The following OSBPL3 variants were observed in gnomAD, a reference collection of about 807,000 sequenced individuals.
OSBPL3 encodes the protein oxysterol-binding protein-related protein 3.
OSBPL3 carries 65 observed loss-of-function variants against 120.1 expected under a neutral mutation model. The ratio of observed to expected loss-of-function variants is 0.54; its 90% CI spans 0.44 to 0.67. The LOEUF (loss-of-function observed/expected upper bound fraction) is 0.67. Ranked by LOEUF, OSBPL3 falls within the 30% of genes least tolerant of loss-of-function variation. OSBPL3 has a pLI of 0.00. For missense variants in OSBPL3, 1,004 were observed against 1,082.1 expected (o/e 0.93, Z 1.01); for synonymous variants, 416 against 402.6 (o/e 1.03, Z -0.40).
At position 24,877,040 on chromosome 7, in the gene OSBPL3, AAGAG is replaced by A. The variant is rs1383315940; in HGVS notation, c.97-4975_97-4972del. Among the ~76,000 whole-genome samples, 4 of 152,164 alleles carry A rather than the reference AAGAG, an allele frequency of 2.6e-5. No individual in the cohort carries two copies. Among genetic ancestry groups the A allele is most frequent in the Middle Eastern group, 3.2e-3 (1 of 316 alleles). ...ATTTTTTTGCATGTGGAAACTGAGG[AAGAG>A]AGAATTAGATAACTTCCCTGATGTT... On this transcript the variant is annotated intron_variant, in intron 2 of 22. Coordinates refer to ENST00000313367, the MANE Select transcript of OSBPL3 (RefSeq NM_015550.4). The surrounding 1 kb of genome is among the most constrained non-coding windows in gnomAD (Gnocchi z 4.8).
In OSBPL3 at chr7:24,824,609, G is replaced by A. The variant is rs1795483061; in HGVS notation, c.1885-4371C>T. 6.6e-6 allele frequency among the ~76,000 whole-genome samples: 1 copy of A among 152,182 alleles called. No individual in the cohort carries two copies. The highest frequency in any genetic ancestry group is 2.4e-5 in the African/African-American group (1 of 41,424). On this transcript the variant is annotated intron_variant, in intron 16 of 22. Coordinates refer to ENST00000313367, the MANE Select transcript of OSBPL3 (RefSeq NM_015550.4). The surrounding 1 kb of genome is among the most constrained non-coding windows in gnomAD (Gnocchi z 4.9). The stretch of plus-strand genomic sequence containing the variant: ...CCATTCTTTCCAGGTCACTCATCAA[G>A]TACTTATTGATTGCCTGTGATGTGT...
At position 24,842,386 on chromosome 7, in the gene OSBPL3, G is replaced by C. The variant is rs760774741; in HGVS notation, c.1294C>G (p.Leu432Val). Residue 432 changes from leucine to valine, a missense_variant, in exon 13 of 23, where the codon CTA becomes GTA. This residue lies in a region of OSBPL3 where 473 missense variants were observed against 568.0 expected (regional missense o/e 0.83). Coordinates refer to ENST00000313367, the MANE Select transcript of OSBPL3 (RefSeq NM_015550.4). ...EENSRDENRA[L>V]VHQLSNESRL... ...CTTTCATTAGAAAGCTGATGAACTA[G>C]AGCTCGGTTTTCATCTCTGGAGTTT... The C allele has an allele frequency of 6.2e-7, 1 of 1,611,282 alleles. No individual in the cohort carries two copies. The highest frequency in any genetic ancestry group is 2.2e-5 in the East Asian group (1 of 44,838).
chr7:24,807,111 G>A (rs1793148004), intron 20 of OSBPL3, among the ~76,000 whole-genome samples: 1 of 152,122 alleles, frequency 6.6e-6, no homozygotes, highest in South Asian at 2.1e-4. Context: ...ACAGGGATGT[G>A]GCCTCCTATG....
In OSBPL3 at chr7:24,831,997, G is replaced by A. The variant is rs550322125; in HGVS notation, c.1747-1092C>T. Among the ~76,000 whole-genome samples the A allele has an allele frequency of 6.6e-6, 1 of 152,024 alleles. No homozygotes were observed. Among genetic ancestry groups the A allele is most frequent in the South Asian group, 2.1e-4 (1 of 4,812 alleles). On this transcript the variant is annotated intron_variant, in intron 15 of 22. Transcript: ENST00000313367. The surrounding 1 kb of genome is among the most constrained non-coding windows in gnomAD (Gnocchi z 4.0). The stretch of plus-strand genomic sequence containing the variant: ...CAGGTGGATCTGCTTGAGCCCAAGA[G>A]TTCAAGACCAGCCTGGACAACATGG...
intron 2 of OSBPL3, among the ~76,000 whole-genome samples, chr7:24,887,821 C>A (rs1804754472): frequency 6.6e-6 from 1 of 152,156 alleles, no homozygotes; most frequent in Admixed American, 6.5e-5. Flanking sequence ...ATGCTCTGTG[C>A]AGCTACTACC....
In OSBPL3 at chr7:24,866,065, A is replaced by C; in HGVS notation, c.549+5T>G. ...CAGATTCATTATTGGCAAAACACTC[A>C]TTACCTTCCTACTTGAAATGGAGTC... is the stretch of plus-strand genomic sequence containing the variant. On this transcript the variant is annotated splice_donor_5th_base_variant and intron_variant, in intron 6 of 22. Transcript: ENST00000313367. 6.2e-7 allele frequency: 1 copy of C among 1,611,356 alleles called. No individual in the cohort carries two copies. Among genetic ancestry groups the C allele is most frequent in the Non-Finnish European group, 8.5e-7 (1 of 1,177,580 alleles).
rs201989435 is a variant in OSBPL3, at chr7:24,800,203, C to G, written c.2644G>C (p.Asp882His). 1.5e-4 allele frequency: 244 copies of G among 1,599,910 alleles called. No individual in the cohort carries two copies. The highest frequency in any genetic ancestry group is 3.7e-5 in the Non-Finnish European group (43 of 1,167,150). ...CTTTTTCACCATAAGACAGGATGGT[C>G]CAGTTTGGAAAAACCAAGATCTTTT... ...LRKDLGFSKLDHPVLW is the reference protein window; with the variant it reads ...LRKDLGFSKLHHPVLW Residue 882 changes from aspartate (D) to histidine (H), a missense_variant, in exon 23 of 23, where the codon GAC becomes CAC. Around this residue, in one of 4 missense-constraint regions of OSBPL3, gnomAD observed 473 missense variants for 568.0 expected, o/e 0.83. Coordinates refer to ENST00000313367, the MANE Select transcript of OSBPL3 (RefSeq NM_015550.4).
chr7:24,979,164 A>AT (rs919935977), intron 1 of OSBPL3, among the ~76,000 whole-genome samples: 10 of 152,214 alleles, frequency 6.6e-5, no homozygotes, highest in Non-Finnish European at 1.0e-4. Flanking sequence ...GACAGAGTGC[A>AT]TAAGTCCCTA....
chr7:24,870,994 G>T, intron 4 of OSBPL3, 149 bp from the exon 5 acceptor site: 1 of 643,242 alleles, frequency 1.6e-6, no homozygotes, highest in South Asian at 1.7e-5. Flanking sequence ...TGAGTTACGT[G>T]CTGGACATGC....
Position 24,821,167 on chromosome 7 carries a change from G to C in OSBPL3, c.1885-929C>G, listed in dbSNP as rs894241259. 6.6e-6 allele frequency among the ~76,000 whole-genome samples: 1 copy of C among 152,194 alleles called. No individual in the cohort carries two copies. The highest frequency in any genetic ancestry group is 2.4e-5 in the African/African-American group (1 of 41,438). ...TCTCTGATGTAGCTGATTCTTAACAGAGGTGTCTTACATTGAGAGTATCTA... is the reference window on the plus strand; with the variant it reads ...TCTCTGATGTAGCTGATTCTTAACACAGGTGTCTTACATTGAGAGTATCTA... On this transcript the variant is annotated intron_variant, in intron 16 of 22. Coordinates refer to ENST00000313367, the MANE Select transcript of OSBPL3 (RefSeq NM_015550.4). The surrounding 1 kb of genome is among the most constrained non-coding windows in gnomAD (Gnocchi z 5.5).
intron 5 of OSBPL3, among the ~76,000 whole-genome samples, chr7:24,868,715 T>C (rs533466426): frequency 6.6e-6 from 1 of 152,300 alleles, no homozygotes; most frequent in East Asian, 1.9e-4. Context: ...ACAAACAGAC[T>C]CACACCTATT....
In OSBPL3 at chr7:24,852,136, G is replaced by T. The variant is rs924447325; in HGVS notation, c.1158+368C>A. 1.3e-5 allele frequency among the ~76,000 whole-genome samples: 2 copies of T among 152,144 alleles called. No individual in the cohort carries two copies. Among genetic ancestry groups the T allele is most frequent in the African/African-American group, 4.8e-5 (2 of 41,434 alleles). On this transcript the variant is annotated intron_variant, in intron 11 of 22. Coordinates refer to ENST00000313367, the MANE Select transcript of OSBPL3 (RefSeq NM_015550.4). The surrounding 1 kb of genome is among the most constrained non-coding windows in gnomAD (Gnocchi z 4.1). ...TTTGGAAAGTAAGGCTAAGCTTGTG[G>T]TGTCTCATGCCCATAAAATTTCCTC...
At chr7:24,816,238 T>C (rs1283163927) in intron 18 of OSBPL3, among the ~76,000 whole-genome samples, 1 of 152,098 alleles carries the variant, frequency 6.6e-6, no homozygotes. Flanking sequence ...ATGTTGCCCA[T>C]ACTGGTCTCA....
chr7:24,950,271 T>C (rs987084490), intron 1 of OSBPL3, among the ~76,000 whole-genome samples: 4 of 152,084 alleles, frequency 2.6e-5, no homozygotes, highest in Non-Finnish European at 4.4e-5. Flanking sequence ...CACACACATA[T>C]TGGTGAAAGC....
intron 1 of OSBPL3, among the ~76,000 whole-genome samples, chr7:24,950,532 C>G (rs1814278296): frequency 6.6e-6 from 1 of 151,762 alleles, no homozygotes; most frequent in African/African-American, 2.4e-5. Flanking sequence ...ACCATCCTGG[C>G]TAACATGGTG....
intron 1 of OSBPL3, among the ~76,000 whole-genome samples, chr7:24,957,534 T>C (rs1242414698): frequency 6.6e-6 from 1 of 152,204 alleles, no homozygotes; most frequent in African/African-American, 2.4e-5. Context: ...ATCACTACGC[T>C]TCAACTTGTT....
chr7:24,927,057 T>C (rs1811145522), intron 1 of OSBPL3, among the ~76,000 whole-genome samples: 2 of 152,194 alleles, frequency 1.3e-5, no homozygotes, highest in Admixed American at 1.3e-4. Flanking sequence ...AGTTACTTAA[T>C]CATCCTCAAG....
At position 24,821,338 on chromosome 7, in the gene OSBPL3, A is replaced by G. The variant is rs1393503458; in HGVS notation, c.1885-1100T>C. On this transcript the variant is annotated intron_variant, in intron 16 of 22. Coordinates refer to ENST00000313367, the MANE Select transcript of OSBPL3 (RefSeq NM_015550.4). This position sits in a 1 kb window ranked among gnomAD's most constrained non-coding sequence, Gnocchi z 5.5. Reference sequence around the variant, plus strand: ...TCACTGGTTTTCAAACTTTGCAAAAAGAAGAAAAAAAATGTTTTAAGCAGC... The same window carrying G: ...TCACTGGTTTTCAAACTTTGCAAAAGGAAGAAAAAAAATGTTTTAAGCAGC... Among the ~76,000 whole-genome samples, 1 of 152,224 alleles carries G rather than the reference A, an allele frequency of 6.6e-6. No individual in the cohort carries two copies. Among genetic ancestry groups the G allele is most frequent in the Non-Finnish European group, 1.5e-5 (1 of 68,038 alleles).
At chr7:24,823,907 C>G (rs1795400424) in intron 16 of OSBPL3, among the ~76,000 whole-genome samples, 1 of 152,212 alleles carries the variant, frequency 6.6e-6, no homozygotes, top group Non-Finnish European at 1.5e-5. Context: ...TGAGCAGAAT[C>G]TAACCTGTCT....
Sources: gnomAD v4.1 joint callset for allele counts (sites outside exome capture counted in the v4.1 genomes callset) on GRCh38, gnomAD v4.1.1 for gene constraint, gnomAD v4.1.1 regional missense constraint, Gnocchi (gnomAD v3.1) non-coding constraint, MANE v1.5 for transcripts, NCBI Gene and HGNC (gene_info 2026-07-23, HGNC 2026-07-21) for gene names.